LRP1B: variants seen among roughly 807,000 people sequenced by gnomAD.
LRP1B encodes the protein low-density lipoprotein receptor-related protein 1B.
LRP1B carries 217 observed loss-of-function variants against 556.6 expected under a neutral mutation model. That is an observed-to-expected ratio of 0.39 (90% CI 0.35 to 0.44). The LOEUF (loss-of-function observed/expected upper bound fraction) is 0.44, where lower values mean the gene tolerates loss of function less well. LRP1B is among the 20% of genes least tolerant of loss of function. The pLI is 1.00. For missense variants in LRP1B, 5,053 were observed against 5,620.8 expected (o/e 0.90, Z 3.23); for synonymous variants, 2,047 against 1,865.8 (o/e 1.10, Z -2.50).
intron 61 of LRP1B, among the ~76,000 whole-genome samples, chr2:140,456,947 A>G (rs1042769238): frequency 6.6e-6 from 1 of 152,202 alleles, no homozygotes; most frequent in Non-Finnish European, 1.5e-5. Context: ...AAACAATGAA[A>G]CAATGATCTA....
intron 2 of LRP1B, among the ~76,000 whole-genome samples, chr2:141,570,308 A>G (rs919408835): frequency 4.6e-5 from 7 of 150,898 alleles, no homozygotes; most frequent in Admixed American, 4.6e-4. Flanking sequence ...CCCACCTGAG[A>G]GCCACACGGG....
intron 15 of LRP1B, among the ~76,000 whole-genome samples, chr2:140,996,637 T>G (rs2105362655): frequency 6.6e-6 from 1 of 152,100 alleles, no homozygotes; most frequent in South Asian, 2.1e-4. Context: ...AGATTGGCAT[T>G]ATTGCAGTGA....
rs761484119 is a variant in LRP1B, at chr2:141,558,239, C to T, written c.206-77706G>A. 5.3e-5 allele frequency among the ~76,000 whole-genome samples: 8 copies of T among 151,886 alleles called. No homozygotes were observed. The South Asian group carries it at 6.2e-4, about 12-fold the overall frequency. ...GTAGGTCACCAAGGAGACACCTAAA[C>T]TTAGGGTGTTAATTTACTTTGCCAG... On this transcript the variant is annotated intron_variant, in intron 2 of 90. Transcript: ENST00000389484.
chr2:141,810,533 G>T, intron 1 of LRP1B, 132 bp from the exon 2 acceptor site: 1 of 930,776 alleles, frequency 1.1e-6, no homozygotes, highest in Non-Finnish European at 1.6e-6. Flanking sequence ...CTGTTCGGCA[G>T]CAAAGACAAA....
intron 2 of LRP1B, among the ~76,000 whole-genome samples, chr2:141,499,165 C>T (rs1306643060): frequency 5.3e-5 from 8 of 152,080 alleles, no homozygotes; most frequent in African/African-American, 1.7e-4. Context: ...GGCTTATTAA[C>T]TAACTCAGTC....
chr2:140,966,974 A>C (rs4300776), intron 18 of LRP1B, among the ~76,000 whole-genome samples: 135,331 of 152,174 alleles, frequency 0.89, 60,331 homozygotes, highest in East Asian at 0.97. Context: ...AGTCAGGTAG[A>C]GTGATGCCTC....
At chr2:141,464,606 A>ATTTTTTTTTTT (rs71391651) in intron 3 of LRP1B, among the ~76,000 whole-genome samples, 2 of 90,538 alleles carry the variant, frequency 2.2e-5, no homozygotes, top group East Asian at 2.8e-4. Context: ...ATATATATAT[A>ATTTTTTTTTTT]TTTTTTTAGT....
At chr2:141,601,846 G>T (rs1028913133) in intron 2 of LRP1B, among the ~76,000 whole-genome samples, 5 of 151,910 alleles carry the variant, frequency 3.3e-5, no homozygotes, top group Admixed American at 3.3e-4. Context: ...CAAGTGATGC[G>T]CCCACTCAGC....
At chr2:140,369,548 G>A (rs988575826) in intron 71 of LRP1B, among the ~76,000 whole-genome samples, 6 of 151,764 alleles carry the variant, frequency 4.0e-5, no homozygotes, top group Admixed American at 1.3e-4. Context: ...AGAAAGAGCC[G>A]TTATAGACAT....
chr2:141,463,839 TAA>T (rs1682046637), intron 3 of LRP1B, among the ~76,000 whole-genome samples: 1 of 127,248 alleles, frequency 7.9e-6, no homozygotes, highest in Non-Finnish European at 1.6e-5. Flanking sequence ...TATAATTGGA[TAA>T]TATTACATAT....
At chr2:140,375,201 GTGTGTGTT>G (rs909685308) in intron 68 of LRP1B, among the ~76,000 whole-genome samples, 42 of 145,412 alleles carry the variant, frequency 2.9e-4, no homozygotes, top group African/African-American at 1.1e-3. Context: ...GTGTGTGTGT[GTGTGTGTT>G]TTAATCCCTT....
intron 20 of LRP1B, among the ~76,000 whole-genome samples, chr2:140,936,667 G>C (rs546247826): frequency 5.6e-4 from 85 of 151,696 alleles, no homozygotes; most frequent in East Asian, 2.3e-3. Context: ...ACAGTGACTT[G>C]TACTATACTT....
rs190153335 is a variant in LRP1B at position 140,531,718 on chromosome 2, G to A, written c.7762+2303C>T. Among the ~76,000 whole-genome samples the A allele has an allele frequency of 5.9e-5, 9 of 151,876 alleles. No homozygotes were observed. The East Asian group carries it at 9.7e-4, about 16-fold the overall frequency. ...CACCCATTTTCTGTCTTCAACCAAC[G>A]TGCTCTTGCTTTCCTCTACTGTTCC... is the stretch of plus-strand genomic sequence containing the variant. On this transcript the variant is annotated intron_variant, in intron 47 of 90. Coordinates refer to ENST00000389484, the MANE Select transcript of LRP1B (RefSeq NM_018557.3).
chr2:140,362,985 G>C (rs1682588862), intron 72 of LRP1B, among the ~76,000 whole-genome samples: 1 of 151,594 alleles, frequency 6.6e-6, no homozygotes, highest in Admixed American at 6.6e-5. Flanking sequence ...ATGAATGAAT[G>C]ACACCTTTTC....
At chr2:140,315,309 A>G (rs569850658) in intron 82 of LRP1B, among the ~76,000 whole-genome samples, 4 of 152,288 alleles carry the variant, frequency 2.6e-5, no homozygotes, top group African/African-American at 9.6e-5. Flanking sequence ...ATTAATGTGT[A>G]TTCTTCTTTA....
At chr2:142,022,280 T>TA (rs200485480) in intron 1 of LRP1B, among the ~76,000 whole-genome samples, 1,560 of 148,240 alleles carry the variant, frequency 0.011, 21 homozygotes, top group African/African-American at 0.035. Context: ...CATAATGTTG[T>TA]AAAAAAAAAC....
intron 3 of LRP1B, among the ~76,000 whole-genome samples, chr2:141,335,596 G>A (rs1687819517): frequency 6.6e-6 from 1 of 151,734 alleles, no homozygotes; most frequent in Non-Finnish European, 1.5e-5. Context: ...CTTATTCTTG[G>A]GGTCTTAAAA....
intron 1 of LRP1B, among the ~76,000 whole-genome samples, chr2:142,010,581 AAAG>A (rs1286724690): frequency 4.2e-5 from 6 of 144,214 alleles, no homozygotes; most frequent in Non-Finnish European, 1.5e-5. Context: ...AAAAAAAAAG[AAAG>A]AAATCATGCC....
At chr2:140,582,770 T>A (rs1681824584) in intron 43 of LRP1B, among the ~76,000 whole-genome samples, 1 of 152,182 alleles carries the variant, frequency 6.6e-6, no homozygotes, top group South Asian at 2.1e-4. Flanking sequence ...ATTTATAAAT[T>A]ACCCCATCTC....
Sources: gnomAD v4.1 joint callset for allele counts (sites outside exome capture counted in the v4.1 genomes callset) on GRCh38, gnomAD v4.1.1 for gene constraint, MANE v1.5 for transcripts, NCBI Gene and HGNC (gene_info 2026-07-23, HGNC 2026-07-21) for gene names.